The following MACROD2 variants were observed in gnomAD, a reference collection of about 807,000 sequenced individuals.
The protein encoded by MACROD2 is ADP-ribose glycohydrolase MACROD2.
In MACROD2, 36 loss-of-function variants were observed where a neutral mutation model predicts 70.4. That is an observed-to-expected ratio of 0.51 (90% CI 0.39 to 0.68). The LOEUF is 0.68. MACROD2 is among the 30% of genes least tolerant of loss of function. MACROD2 has a pLI of 0.00. For missense variants in MACROD2, 496 were observed against 538.4 expected (o/e 0.92, Z 0.78); for synonymous variants, 172 against 178.8 (o/e 0.96, Z 0.30).
intron 3 of MACROD2, among the ~76,000 whole-genome samples, chr20:14,165,756 T>C (rs2055258587): frequency 6.6e-6 from 1 of 152,248 alleles, no homozygotes; most frequent in Admixed American, 6.5e-5. Flanking sequence ...CTCAGTAATT[T>C]AGTGAATAAA....
chr20:14,082,352 G>GAATTTT (rs2054009454), intron 2 of MACROD2, among the ~76,000 whole-genome samples: 1 of 127,518 alleles, frequency 7.8e-6, no homozygotes. Flanking sequence ...CTAATTTTTT[G>GAATTTT]TATTTTTTTT....
intron 5 of MACROD2, among the ~76,000 whole-genome samples, chr20:14,926,198 A>G (rs968138518): frequency 6.6e-6 from 1 of 152,074 alleles, no homozygotes; most frequent in African/African-American, 2.4e-5. Flanking sequence ...TTTAATAGCT[A>G]GGGCATTATT....
At position 14,461,949 on chromosome 20, in the gene MACROD2, C is replaced by T. The variant is rs185173466; in HGVS notation, c.272-31530C>T. On this transcript the variant is annotated intron_variant, in intron 3 of 17. Transcript: ENST00000684519. ...TGTGAATAGTGCTGCAAGAAACATA[C>T]GTGTGCATGTGTCTTTATAGCAGCA... Among the ~76,000 whole-genome samples, 16 of 152,070 alleles carry T rather than the reference C, an allele frequency of 1.1e-4. 1 individual carries two copies. The highest frequency in any genetic ancestry group is 3.6e-4 in the African/African-American group (15 of 41,424).
At chr20:15,179,367 G>T (rs1362052209) in intron 5 of MACROD2, among the ~76,000 whole-genome samples, 1 of 152,120 alleles carries the variant, frequency 6.6e-6, no homozygotes, top group African/African-American at 2.4e-5. Flanking sequence ...TTCCTGGATT[G>T]CCTAGTTAAC....
chr20:15,326,911 GACA>G (rs1291519796), intron 6 of MACROD2, among the ~76,000 whole-genome samples: 1 of 152,068 alleles, frequency 6.6e-6, no homozygotes, highest in African/African-American at 2.4e-5. Flanking sequence ...AAAATATTGG[GACA>G]ACAACAACAT....
At position 15,422,380 on chromosome 20, in the gene MACROD2, T is replaced by C. The variant is rs187657712; in HGVS notation, c.541-9025T>C. 2.0e-5 allele frequency among the ~76,000 whole-genome samples: 3 copies of C among 152,286 alleles called. No homozygotes were observed. In the East Asian group the frequency reaches 5.8e-4, roughly 29 times the overall value. On this transcript the variant is annotated intron_variant, in intron 6 of 17. Transcript: ENST00000684519. ...CACTGAGATCTGCCTATACCTGTCT[T>C]GTTTTAGCCTTGTATTCATGTGTTA...
intron 3 of MACROD2, among the ~76,000 whole-genome samples, chr20:14,445,109 C>A (rs2084169110): frequency 6.6e-6 from 1 of 152,030 alleles, no homozygotes; most frequent in African/African-American, 2.4e-5. Context: ...AGTGGCTTTC[C>A]TTTTAGGGAC....
intron 5 of MACROD2, among the ~76,000 whole-genome samples, chr20:15,159,946 GAAAAT>G (rs1366161054): frequency 6.6e-6 from 1 of 151,994 alleles, no homozygotes; most frequent in East Asian, 1.9e-4. Flanking sequence ...GGTATTTCAG[GAAAAT>G]AAAATAAATG....
chr20:15,700,762 T>C (rs2050445865), intron 8 of MACROD2, among the ~76,000 whole-genome samples: 1 of 152,186 alleles, frequency 6.6e-6, no homozygotes, highest in Non-Finnish European at 1.5e-5. Context: ...TGGGATACCA[T>C]GAAATATTAA....
intron 12 of MACROD2, among the ~76,000 whole-genome samples, chr20:15,965,294 A>G (rs2066123853): frequency 6.6e-6 from 1 of 152,226 alleles, no homozygotes; most frequent in Non-Finnish European, 1.5e-5. Context: ...TATTTGCTAA[A>G]GACACAGATT....
chr20:14,391,195 C>T (rs2083522735), intron 3 of MACROD2, among the ~76,000 whole-genome samples: 1 of 152,126 alleles, frequency 6.6e-6, no homozygotes, highest in South Asian at 2.1e-4. Flanking sequence ...CAGCACTAGT[C>T]ACGATAACAA....
chr20:15,765,539 G>A (rs1381627220), intron 8 of MACROD2, among the ~76,000 whole-genome samples: 4 of 152,172 alleles, frequency 2.6e-5, no homozygotes, highest in South Asian at 4.1e-4. Flanking sequence ...AATGATACAT[G>A]CAAATCTATT....
chr20:14,873,274 T>C (rs2073510733), intron 5 of MACROD2, among the ~76,000 whole-genome samples: 1 of 152,184 alleles, frequency 6.6e-6, no homozygotes, highest in East Asian at 1.9e-4. Flanking sequence ...TATGACTTTC[T>C]ACTCATAAGA....
chr20:14,059,722 C>A (rs1312326158), intron 2 of MACROD2, among the ~76,000 whole-genome samples: 1 of 152,138 alleles, frequency 6.6e-6, no homozygotes, highest in African/African-American at 2.4e-5. Flanking sequence ...TTGAGATAGT[C>A]ATGAACGAAA....
chr20:15,353,073 G>A (rs1366124507), intron 6 of MACROD2, among the ~76,000 whole-genome samples: 14 of 152,142 alleles, frequency 9.2e-5, no homozygotes, highest in African/African-American at 3.4e-4. Context: ...GAACAAAGCT[G>A]GAGGCATCAC....
In MACROD2 at chr20:14,423,755, A is replaced by ATTT. The variant is rs1165796772; in HGVS notation, c.272-69702_272-69700dup. ...GTCCACCATTTTGCTGACATCTTAA[A>ATTT]TTTTTTTTTTTTTTTTTTTTTTTTG... On this transcript the variant is annotated intron_variant, in intron 3 of 17. Coordinates refer to ENST00000684519, the MANE Select transcript of MACROD2 (RefSeq NM_001351661.2). Among the ~76,000 whole-genome samples the ATTT allele has an allele frequency of 1.3e-3, 83 of 63,104 alleles. 1 individual carries two copies. Among genetic ancestry groups the ATTT allele is most frequent in the African/African-American group, 2.8e-3 (48 of 17,122 alleles). 41.4% of individuals were successfully genotyped at this position (63,104 alleles called of 152,430 possible). A position where few individuals can be genotyped will look rare whatever the true frequency, so the allele number is the denominator to read the frequency against.
Position 15,414,719 on chromosome 20 carries a change from AATG to A in MACROD2, c.541-16685_541-16683del, listed in dbSNP as rs767420716. 2.8e-4 allele frequency among the ~76,000 whole-genome samples: 43 copies of A among 152,314 alleles called. 1 individual carries two copies. The highest frequency in any genetic ancestry group is 6.8e-3 in the Middle Eastern group (2 of 294). On this transcript the variant is annotated intron_variant, in intron 6 of 17. Coordinates refer to ENST00000684519, the MANE Select transcript of MACROD2 (RefSeq NM_001351661.2). ...AGGTATCCGTATACGTGAAAATAAT[AATG>A]CCCTACTCCTTGCCTTCCCAAGGTT...
chr20:15,087,512 A>T (rs1399648744), intron 5 of MACROD2, among the ~76,000 whole-genome samples: 1 of 152,054 alleles, frequency 6.6e-6, no homozygotes, highest in Non-Finnish European at 1.5e-5. Context: ...AGAATAAACT[A>T]TCCATTTGGA....
chr20:14,796,936 A>G (rs926095649), intron 5 of MACROD2, among the ~76,000 whole-genome samples: 3 of 152,010 alleles, frequency 2.0e-5, no homozygotes, highest in Non-Finnish European at 4.4e-5. Flanking sequence ...TTTCTCTTAG[A>G]TATCTCAGAT....
Sources: allele counts gnomAD v4.1 joint callset (sites outside exome capture counted in the v4.1 genomes callset), GRCh38; gene constraint gnomAD v4.1.1; transcripts MANE v1.5; gene names NCBI Gene and HGNC (gene_info 2026-07-23, HGNC 2026-07-21).